The following TUSC3 variants were observed in gnomAD, a reference collection of about 807,000 sequenced individuals.
TUSC3 encodes the protein dolichyl-diphosphooligosaccharide--protein glycosyltransferase subunit TUSC3.
Under a neutral mutation model 44.8 loss-of-function variants are expected in TUSC3, and 45 were observed. The ratio of observed to expected loss-of-function variants is 1.00; its 90% CI spans 0.79 to 1.29. The LOEUF (loss-of-function observed/expected upper bound fraction) is 1.29. Among genes scored for constraint, TUSC3 ranks in the 50% most tolerant of loss-of-function variants. The pLI, the probability that TUSC3 is intolerant of heterozygous loss-of-function variation, is 0.00. For synonymous variants in TUSC3, 212 were observed against 152.9 expected (o/e 1.39, Z -2.85); for missense variants, 519 against 437.9 (o/e 1.19, Z -1.65).
chr8:15,487,502 T>C (rs1267488605), intron 2 of TUSC3, among the ~76,000 whole-genome samples: 2 of 152,216 alleles, frequency 1.3e-5, no homozygotes, highest in Non-Finnish European at 1.5e-5. Flanking sequence ...AATTAATTTA[T>C]CCATTTGTAT....
At chr8:15,569,701 A>C (rs985808909) in intron 1 of TUSC3, among the ~76,000 whole-genome samples, 1 of 152,144 alleles carries the variant, frequency 6.6e-6, no homozygotes, top group African/African-American at 2.4e-5. Flanking sequence ...GGTAGGGTAG[A>C]CGGTTTGAAA....
intron 1 of TUSC3, among the ~76,000 whole-genome samples, chr8:15,604,400 T>C (rs1448297366): frequency 6.6e-6 from 1 of 151,802 alleles, no homozygotes; most frequent in Non-Finnish European, 1.5e-5. Flanking sequence ...TATTCGATGA[T>C]AATTGTCATT....
At chr8:15,622,919 T>C (rs1453969261) in intron 1 of TUSC3, among the ~76,000 whole-genome samples, 161 bp from the exon 2 acceptor site, 1 of 152,156 alleles carries the variant, frequency 6.6e-6, no homozygotes, top group African/African-American at 2.4e-5. Flanking sequence ...AAAATATATG[T>C]CCTTTCTATC....
chr8:15,624,273 G>C (rs1805391098), intron 2 of TUSC3, among the ~76,000 whole-genome samples: 3 of 151,970 alleles, frequency 2.0e-5, no homozygotes, highest in Non-Finnish European at 1.5e-5. Flanking sequence ...AAATAAATGT[G>C]GTATGAGCAT....
chr8:15,761,761 TCA>T (rs2129224795), intron 10 of TUSC3, among the ~76,000 whole-genome samples: 1 of 152,238 alleles, frequency 6.6e-6, no homozygotes, highest in Non-Finnish European at 1.5e-5. Flanking sequence ...GGGAATACAT[TCA>T]GTTTTCATTA....
At chr8:15,631,052 T>A (rs1047978046) in intron 2 of TUSC3, among the ~76,000 whole-genome samples, 3 of 152,194 alleles carry the variant, frequency 2.0e-5, no homozygotes, top group Non-Finnish European at 4.4e-5. Flanking sequence ...TTAAGTTTCC[T>A]TAAATTTCTT....
chr8:15,512,901 G>C (rs1212059338), intron 2 of TUSC3, among the ~76,000 whole-genome samples: 1 of 79,480 alleles, frequency 1.3e-5, no homozygotes, highest in Non-Finnish European at 2.3e-5. Context: ...CAATTCTCTC[G>C]GTGTATATAT....
the TUSC3 span, among the ~76,000 whole-genome samples, chr8:15,842,325 T>A: frequency 6.6e-6 from 1 of 152,168 alleles, no homozygotes; most frequent in African/African-American, 2.4e-5. Flanking sequence ...AGCCTCATCA[T>A]CTATAAATCA....
the TUSC3 span, among the ~76,000 whole-genome samples, chr8:15,838,512 G>C: frequency 1.3e-5 from 2 of 151,962 alleles, no homozygotes; most frequent in African/African-American, 2.4e-5. Flanking sequence ...CCAAATGTTG[G>C]CCCACTTTCA....
rs545939083 is a variant in TUSC3 at position 15,542,312 on chromosome 8, A to C, written c.138+1744A>C. 1.8e-4 allele frequency among the ~76,000 whole-genome samples: 28 copies of C among 152,268 alleles called. 2 individuals are homozygous for C. The South Asian group carries it at 5.8e-3, about 32-fold the overall frequency. On this transcript the variant is annotated intron_variant, in intron 1 of 10. Coordinates refer to ENST00000503731, the MANE Select transcript of TUSC3 (RefSeq NM_006765.4). ...TAGCCAGATGAAGCCTCCAGGTGGC[A>C]GACTTCAGAGAGAATAGATTGTAAA...
chr8:15,715,916 G>T (rs1810038691), intron 6 of TUSC3, among the ~76,000 whole-genome samples: 1 of 151,976 alleles, frequency 6.6e-6, no homozygotes, highest in South Asian at 2.1e-4. Flanking sequence ...AAAATGCAAA[G>T]ATCTTAAATA....
chr8:15,810,870 G>C, the TUSC3 span, among the ~76,000 whole-genome samples: 1 of 152,092 alleles, frequency 6.6e-6, no homozygotes, highest in East Asian at 1.9e-4. Context: ...ACATTTACCA[G>C]TATATACACC....
intron 1 of TUSC3, among the ~76,000 whole-genome samples, chr8:15,619,671 T>TTTTG (rs200775014): frequency 6.6e-6 from 1 of 152,056 alleles, no homozygotes; most frequent in Non-Finnish European, 1.5e-5. Context: ...TTTTGTATTT[T>TTTTG]TTTGTTTGTT....
At chr8:15,676,793 A>G (rs1448233130) in intron 6 of TUSC3, among the ~76,000 whole-genome samples, 1 of 152,184 alleles carries the variant, frequency 6.6e-6, no homozygotes, top group Non-Finnish European at 1.5e-5. Context: ...GCCTAGAGAA[A>G]CTTAGATGTA....
intron 1 of TUSC3, among the ~76,000 whole-genome samples, chr8:15,457,334 T>A (rs1800270610): frequency 6.6e-6 from 1 of 151,478 alleles, no homozygotes; most frequent in African/African-American, 2.4e-5. Flanking sequence ...TATATATATT[T>A]AAAAAAACAA....
chr8:15,504,615 ATATATATTTTTTTTTTTT>A (rs1801025589), intron 2 of TUSC3, among the ~76,000 whole-genome samples: 1 of 19,036 alleles, frequency 5.3e-5, no homozygotes, highest in African/African-American at 3.3e-4. Flanking sequence ...ATATATATAT[ATATATATTTTTTTTTTTT>A]TTTTTTTTTA....
At chr8:15,442,656 C>G (rs1800036658) in intron 1 of TUSC3, among the ~76,000 whole-genome samples, 1 of 152,166 alleles carries the variant, frequency 6.6e-6, no homozygotes, top group African/African-American at 2.4e-5. Context: ...CCCCCAACCC[C>G]TTTGTTATTA....
At position 15,566,627 on chromosome 8, in the gene TUSC3, GTTT is replaced by G. The variant is rs759088962; in HGVS notation, c.138+26067_138+26069del. 5.0e-3 allele frequency among the ~76,000 whole-genome samples: 739 copies of G among 147,974 alleles called. 9 individuals carry two copies. Among genetic ancestry groups the G allele is most frequent in the Non-Finnish European group, 5.1e-3 (340 of 66,862 alleles). ...TTTTTTTGTTGTTGTTGTTGTTGTT[GTTT>G]TTTTTTTGAGACAGGGTCTTGCTCT... On this transcript the variant is annotated intron_variant, in intron 1 of 10. Transcript: ENST00000503731.
At chr8:15,491,895 T>A (rs1369234627) in intron 2 of TUSC3, among the ~76,000 whole-genome samples, 1 of 152,194 alleles carries the variant, frequency 6.6e-6, no homozygotes, top group Non-Finnish European at 1.5e-5. Flanking sequence ...CATTCGCTGT[T>A]CCACATAATT....
Sources: allele counts gnomAD v4.1 joint callset (sites outside exome capture counted in the v4.1 genomes callset), GRCh38; gene constraint gnomAD v4.1.1; transcripts MANE v1.5; gene names NCBI Gene and HGNC (gene_info 2026-07-23, HGNC 2026-07-21).